The following PPP6R3 variants were observed in gnomAD, a reference collection of about 807,000 sequenced individuals.
The protein encoded by PPP6R3 is serine/threonine-protein phosphatase 6 regulatory subunit 3.
A neutral mutation model predicts 110.7 loss-of-function variants in PPP6R3; 38 were observed. The observed-to-expected ratio is 0.34, with a 90% CI of 0.26 to 0.45. The LOEUF (loss-of-function observed/expected upper bound fraction) is 0.45. PPP6R3 is among the 20% of genes least tolerant of loss of function. The probability of loss-of-function intolerance (pLI) is 1.00; values close to 1 mark genes in which losing one functional copy is unlikely to be tolerated. For missense variants in PPP6R3, 870 were observed against 1,062.4 expected (o/e 0.82, Z 2.52); for synonymous variants, 369 against 373.5 (o/e 0.99, Z 0.14).
At chr11:68,609,534 C>T (rs1566205211) in intron 22 of PPP6R3, 1 of 1,470,888 alleles carries the variant, frequency 6.8e-7, no homozygotes, top group Non-Finnish European at 9.3e-7. Flanking sequence ...ACATATTATT[C>T]CCCCAAATTC....
chr11:68,601,311 C>CT (rs2099631116), intron 20 of PPP6R3, among the ~76,000 whole-genome samples: 2 of 152,252 alleles, frequency 1.3e-5, no homozygotes, highest in South Asian at 4.1e-4. Flanking sequence ...GTGCACGTCT[C>CT]TGAGTTTGTG....
chr11:68,463,520 C>CTGTG (rs1163904627), intron 1 of PPP6R3, among the ~76,000 whole-genome samples: 1 of 151,974 alleles, frequency 6.6e-6, no homozygotes, highest in Non-Finnish European at 1.5e-5. Context: ...GAGGCAGCCT[C>CTGTG]TGTGTGTGTT....
chr11:68,461,321 G>C (rs2098704840), intron 1 of PPP6R3, among the ~76,000 whole-genome samples: 1 of 152,168 alleles, frequency 6.6e-6, no homozygotes, highest in Non-Finnish European at 1.5e-5. Flanking sequence ...GTTGGACTCT[G>C]CTCTTCGGGA....
intron 7 of PPP6R3, 107 bp from the exon 8 acceptor site, chr11:68,558,459 C>A: frequency 1.5e-6 from 1 of 652,042 alleles, no homozygotes; most frequent in Non-Finnish European, 2.7e-6. Flanking sequence ...CAAATATGCC[C>A]AAGTATGAAC....
intron 5 of PPP6R3, among the ~76,000 whole-genome samples, chr11:68,550,395 G>A (rs1010455604): frequency 4.6e-5 from 7 of 152,168 alleles, no homozygotes; most frequent in Non-Finnish European, 1.0e-4. Flanking sequence ...AGGAGGGGTG[G>A]TGTCCTTTCT....
At chr11:68,496,468 G>A (rs113262530) in intron 1 of PPP6R3, among the ~76,000 whole-genome samples, 5 of 151,746 alleles carry the variant, frequency 3.3e-5, no homozygotes, top group African/African-American at 7.2e-5. Context: ...GTGCCACTGC[G>A]CTTGCCTCAT....
At chr11:68,567,370 A>G (rs2153752787) in intron 10 of PPP6R3, among the ~76,000 whole-genome samples, 1 of 152,310 alleles carries the variant, frequency 6.6e-6, no homozygotes, top group South Asian at 2.1e-4. Context: ...CTGTTGCTTT[A>G]TATAAAGAAT....
intron 1 of PPP6R3, among the ~76,000 whole-genome samples, chr11:68,514,633 G>A (rs2153549550): frequency 6.6e-6 from 1 of 152,228 alleles, no homozygotes; most frequent in African/African-American, 2.4e-5. Flanking sequence ...CGCCCAGGCT[G>A]GAGTACAGTG....
At chr11:68,470,187 T>C (rs941552710) in intron 1 of PPP6R3, among the ~76,000 whole-genome samples, 1 of 152,124 alleles carries the variant, frequency 6.6e-6, no homozygotes, top group African/African-American at 2.4e-5. Flanking sequence ...AAAGATACAG[T>C]AGCCATATGG....
rs1944615234 is a variant in PPP6R3 at position 68,613,879 on chromosome 11, AT to A, written c.*763del. 4.1e-6 allele frequency: 4 copies of A among 975,286 alleles called. No homozygotes were observed. The highest frequency in any genetic ancestry group is 4.9e-6 in the Non-Finnish European group (4 of 823,774). The allele number at this position is 975,286 out of a possible 1,614,324, so 60.4% of individuals were successfully genotyped here. A position where few individuals can be genotyped will look rare whatever the true frequency, so the allele number is the denominator to read the frequency against. ...TGAAACACTAGACTATTTGGAGTGT[AT>A]ATGGCTTGTGTTTTGGGATTTTTTT... is the stretch of plus-strand genomic sequence containing the variant. On this transcript the variant is annotated 3_prime_UTR_variant, in exon 24 of 24. Coordinates refer to ENST00000393800, the MANE Select transcript of PPP6R3 (RefSeq NM_001164161.2).
At chr11:68,512,344 C>T (rs569782028) in intron 1 of PPP6R3, among the ~76,000 whole-genome samples, 85 of 152,274 alleles carry the variant, frequency 5.6e-4, no homozygotes, top group Admixed American at 5.2e-4. Context: ...TGGTGCCAAT[C>T]ATCATACCAG....
rs746840478 is a variant in PPP6R3 at position 68,548,103 on chromosome 11, G to C, written c.451G>C (p.Asp151His). The change falls in exon 5 of 24, where the codon GAC becomes CAC. Residue 151 changes from aspartate to histidine, a missense_variant. Coordinates refer to ENST00000393800, the MANE Select transcript of PPP6R3 (RefSeq NM_001164161.2). ...DFLKKKHDFV[D>H]LIIKHIGTSA... ...CTTAAAGAAGAAGCATGATTTTGTA[G>C]ACCTTATTATAAAGCACATAGGAAC... is the stretch of plus-strand genomic sequence containing the variant. The C allele has an allele frequency of 2.5e-6, 4 of 1,613,732 alleles. No homozygotes were observed. Among genetic ancestry groups the C allele is most frequent in the Non-Finnish European group, 2.5e-6 (3 of 1,179,706 alleles).
intron 3 of PPP6R3, among the ~76,000 whole-genome samples, chr11:68,544,130 C>T (rs2099335048): frequency 1.3e-5 from 2 of 152,186 alleles, no homozygotes; most frequent in African/African-American, 2.4e-5. Context: ...CAAGGTCTCA[C>T]TCTTGCCCAG....
intron 3 of PPP6R3, among the ~76,000 whole-genome samples, chr11:68,542,389 G>GTTTTTTTTTTGTTTTTGTTTT (rs1555132282): frequency 7.5e-5 from 3 of 40,188 alleles, no homozygotes; most frequent in Non-Finnish European, 8.3e-5. Flanking sequence ...AGAAGCTGCT[G>GTTTTTTTTTTGTTTTTGTTTT]TTTTTTTTTT....
intron 3 of PPP6R3, among the ~76,000 whole-genome samples, chr11:68,538,141 A>G (rs929639110): frequency 1.3e-5 from 2 of 152,248 alleles, no homozygotes; most frequent in African/African-American, 4.8e-5. Flanking sequence ...TTTGTAAACA[A>G]TGATGATAAA....
At chr11:68,474,079 G>C (rs2098811254) in intron 1 of PPP6R3, among the ~76,000 whole-genome samples, 1 of 139,152 alleles carries the variant, frequency 7.2e-6, no homozygotes, top group African/African-American at 2.7e-5. Context: ...GTCTTGCTCT[G>C]TCACCTAGGT....
At chr11:68,602,091 A>G in intron 21 of PPP6R3, 122 bp downstream of exon 21, 1 of 677,702 alleles carries the variant, frequency 1.5e-6, no homozygotes, top group Admixed American at 3.1e-5. Flanking sequence ...TGATGTCCAC[A>G]GGGCAGCTGA....
intron 1 of PPP6R3, among the ~76,000 whole-genome samples, chr11:68,505,814 G>C (rs2099073031): frequency 6.6e-6 from 1 of 151,958 alleles, no homozygotes. Context: ...TCCCTTTCTT[G>C]TTAATCTTTT....
chr11:68,487,202 T>C (rs1450094588), intron 1 of PPP6R3, among the ~76,000 whole-genome samples: 1 of 152,234 alleles, frequency 6.6e-6, no homozygotes, highest in African/African-American at 2.4e-5. Flanking sequence ...TATTACTCAA[T>C]GCTATAAATT....
Sources: gnomAD v4.1 joint callset for allele counts (sites outside exome capture counted in the v4.1 genomes callset) on GRCh38, gnomAD v4.1.1 for gene constraint, MANE v1.5 for transcripts, NCBI Gene and HGNC (gene_info 2026-07-23, HGNC 2026-07-21) for gene names.